FAAH2: variants seen among roughly 807,000 people sequenced by gnomAD.
FAAH2 encodes the protein fatty-acid amide hydrolase 2.
In FAAH2, 60 loss-of-function variants were observed where a neutral mutation model predicts 36.9. The observed-to-expected ratio is 1.63, with a 90% confidence interval of 1.32 to 2.02. The LOEUF (loss-of-function observed/expected upper bound fraction) is 2.02. Among genes scored for constraint, FAAH2 ranks in the 30% most tolerant of loss-of-function variants. The pLI is 0.00. For synonymous variants in FAAH2, 214 were observed against 143.8 expected (o/e 1.49, Z -3.49); for missense variants, 689 against 397.5 (o/e 1.73, Z -6.23).
intron 10 of FAAH2, among the ~76,000 whole-genome samples, chrX:57,466,156 C>CTCTCTCTCTCTATATA (rs1287266105): frequency 9.6e-4 from 64 of 66,388 alleles, no homozygotes; most frequent in African/African-American, 2.9e-3. Context: ...CTCTCTCTCT[C>CTCTCTCTCTCTATATA]TATATATATA....
intron 10 of FAAH2, among the ~76,000 whole-genome samples, chrX:57,479,738 A>C (rs1247955982): frequency 5.4e-5 from 6 of 111,686 alleles, no homozygotes; most frequent in Non-Finnish European, 7.5e-5. Flanking sequence ...GCATCTATTG[A>C]GATAATCATG....
At chrX:57,331,536 C>T in intron 3 of FAAH2, 62 bp from the exon 4 acceptor site, 1 of 1,030,439 alleles carries the variant, frequency 9.7e-7, no homozygotes, top group Non-Finnish European at 1.3e-6. Flanking sequence ...TCTTGCCCCT[C>T]AGGAGAAAAC....
intron 7 of FAAH2, chrX:57,395,048 A>C (rs1263109880): frequency 7.0e-5 from 39 of 554,669 alleles, no homozygotes; most frequent in Middle Eastern, 6.4e-4. Context: ...CAATCCATCC[A>C]CATCCTTTTC....
At chrX:57,137,001 C>A in the FAAH2 span, 1 of 867,741 alleles carries the variant, frequency 1.2e-6, no homozygotes, top group African/African-American at 2.1e-5. Context: ...CACTGCCTAT[C>A]CTAACCACTT....
At chrX:57,165,554 G>T in the FAAH2 span, among the ~76,000 whole-genome samples, 6 of 109,920 alleles carry the variant, frequency 5.5e-5, no homozygotes, top group African/African-American at 2.0e-4. Context: ...GTTGGGGGAG[G>T]GTGGAGGGAT....
the FAAH2 span, among the ~76,000 whole-genome samples, chrX:57,133,117 C>T: frequency 8.0e-5 from 9 of 111,825 alleles, no homozygotes; most frequent in Admixed American, 8.5e-4. Context: ...TTCAGCTTCC[C>T]TCCTGAAATT....
the FAAH2 span, among the ~76,000 whole-genome samples, chrX:57,140,004 T>C: frequency 1.1e-4 from 12 of 112,213 alleles, no homozygotes; most frequent in African/African-American, 3.9e-4. Flanking sequence ...CATGGATACT[T>C]TTCTATTTTT....
intron 7 of FAAH2, among the ~76,000 whole-genome samples, chrX:57,402,361 C>T (rs1405220401): frequency 2.7e-5 from 3 of 112,100 alleles, no homozygotes; most frequent in African/African-American, 9.7e-5. Context: ...CCCAGCTTTT[C>T]CGTGTTCCAG....
intron 10 of FAAH2, among the ~76,000 whole-genome samples, chrX:57,482,045 A>G (rs1421969417): frequency 4.5e-5 from 5 of 111,572 alleles, no homozygotes; most frequent in African/African-American, 1.6e-4. Context: ...TTTCAGGGGA[A>G]AACTGCCTAC....
chrX:57,419,844 G>A (rs1412140921), intron 7 of FAAH2, among the ~76,000 whole-genome samples: 2 of 111,659 alleles, frequency 1.8e-5, no homozygotes, highest in African/African-American at 3.3e-5. Flanking sequence ...GGGTTTTTAT[G>A]GTTTTAGGTC....
the FAAH2 span, among the ~76,000 whole-genome samples, chrX:57,230,009 C>T: frequency 8.9e-6 from 1 of 111,733 alleles, no homozygotes; most frequent in Non-Finnish European, 1.9e-5. Context: ...AGTACTATTC[C>T]ACATCTAAGT....
At chrX:57,220,366 A>G in the FAAH2 span, among the ~76,000 whole-genome samples, 1 of 110,108 alleles carries the variant, frequency 9.1e-6, no homozygotes, top group Non-Finnish European at 1.9e-5. Context: ...AGGCTTGTAA[A>G]CCTATCCTGC....
chrX:57,449,349 C>T (rs1314964709), intron 10 of FAAH2, among the ~76,000 whole-genome samples: 6 of 111,435 alleles, frequency 5.4e-5, no homozygotes, highest in Non-Finnish European at 9.4e-5. Flanking sequence ...CACGTTCTCA[C>T]CCAATAAACC....
intron 3 of FAAH2, among the ~76,000 whole-genome samples, chrX:57,329,323 G>A (rs2053326141): frequency 9.0e-6 from 1 of 111,460 alleles, no homozygotes; most frequent in Non-Finnish European, 1.9e-5. Context: ...TGTTATCATG[G>A]AGGTGGGGTG....
At chrX:57,441,102 G>A (rs910884254) in intron 8 of FAAH2, among the ~76,000 whole-genome samples, 3 of 111,430 alleles carry the variant, frequency 2.7e-5, no homozygotes, top group Non-Finnish European at 3.8e-5. Flanking sequence ...TTTGGTATCA[G>A]GATGATGTTG....
intron 5 of FAAH2, among the ~76,000 whole-genome samples, chrX:57,358,155 C>G (rs28822686): frequency 3.5e-5 from 2 of 56,818 alleles, no homozygotes; most frequent in African/African-American, 1.4e-4. Context: ...AGTTTGAGAT[C>G]TTTTTTTTTT....
chrX:57,484,281 A>G (rs1329557568), intron 10 of FAAH2, among the ~76,000 whole-genome samples: 1 of 110,757 alleles, frequency 9.0e-6, no homozygotes, highest in Non-Finnish European at 1.9e-5. Flanking sequence ...GTGGCTGGGG[A>G]GACACACCTG....
the FAAH2 span, among the ~76,000 whole-genome samples, chrX:57,240,982 T>C: frequency 6.7e-4 from 75 of 111,964 alleles, no homozygotes; most frequent in African/African-American, 2.3e-3. Flanking sequence ...TACATGAACA[T>C]GTTATGCCTC....
rs773977954 is a variant in FAAH2 at position 57,331,631 on chromosome X, G to C, written c.446G>C (p.Arg149Pro). The C allele has an allele frequency of 1.0e-4, 127 of 1,209,564 alleles. No individual in the cohort carries two copies. Among genetic ancestry groups the C allele is most frequent in the Non-Finnish European group, 1.4e-4 (126 of 895,048 alleles). ...AATTCTTCTGGACTCATGAACCGTCGTGATGCCATTGCCAAAACAGATGCC... is the reference window on the plus strand; with the variant it reads ...AATTCTTCTGGACTCATGAACCGTCCTGATGCCATTGCCAAAACAGATGCC... The part of the protein sequence containing the change: ...MPNSSGLMNR[R>P]DAIAKTDATV... The change falls in exon 4 of 11, where the codon CGT (arginine) becomes CCT (proline). Residue 149 changes from arginine (R) to proline (P), a missense_variant. By Grantham distance (103) the Arg-to-Pro change is moderately radical. Transcript: ENST00000374900.
Sources: gnomAD v4.1 joint callset for allele counts (sites outside exome capture counted in the v4.1 genomes callset) on GRCh38, gnomAD v4.1.1 for gene constraint, MANE v1.5 for transcripts, NCBI Gene and HGNC (gene_info 2026-07-23, HGNC 2026-07-21) for gene names.